The following FGF5 variants were observed in gnomAD, a reference collection of about 807,000 sequenced individuals.
FGF5 encodes the protein fibroblast growth factor 5.
In FGF5, 23 loss-of-function variants were observed where a neutral mutation model predicts 21.8. That is an observed-to-expected ratio of 1.05 (90% CI 0.76 to 1.49). The LOEUF (loss-of-function observed/expected upper bound fraction) is 1.49, where lower values mean the gene tolerates loss of function less well. Among genes scored for constraint, FGF5 ranks in the 40% most tolerant of loss-of-function variants. FGF5 has a pLI of 0.00. For synonymous variants in FGF5, 158 were observed against 124.0 expected (o/e 1.27, Z -1.82); for missense variants, 352 against 332.9 (o/e 1.06, Z -0.45).
At chr4:80,286,189 T>C in intron 2 of FGF5, 136 bp from the exon 3 acceptor site, 1 of 585,272 alleles carries the variant, frequency 1.7e-6, no homozygotes, top group South Asian at 3.5e-5. Flanking sequence ...AGCAAACATG[T>C]CTTTATAAAA....
At chr4:80,277,996 T>G (rs1034409459) in intron 2 of FGF5, among the ~76,000 whole-genome samples, 12 of 152,136 alleles carry the variant, frequency 7.9e-5, no homozygotes, top group African/African-American at 2.7e-4. Flanking sequence ...AAGAGTCTCA[T>G]AGATGTTAAA....
At position 80,267,078 on chromosome 4, in the gene FGF5, G is replaced by A. The variant is rs528985627; in HGVS notation, c.254G>A (p.Gly85Glu). The part of the protein sequence containing the change: ...EQSSFQWSPS[G>E]RRTGSLYCRV... The stretch of plus-strand genomic sequence containing the variant: ...AGCAGTTTCCAGTGGAGCCCCTCGG[G>A]GCGCCGGACCGGCAGCCTCTACTGC... Residue 85 changes from glycine to glutamate, a missense_variant, in exon 1 of 3, where the codon GGG (glycine) becomes GAG (glutamate). Physicochemically the swap from Gly to Glu is moderately conservative, Grantham distance 98. Transcript: ENST00000312465. The A allele has an allele frequency of 1.2e-6, 2 of 1,614,218 alleles. No homozygotes were observed. Among genetic ancestry groups the A allele is most frequent in the African/African-American group, 2.7e-5 (2 of 75,078 alleles).
At position 80,290,497 on chromosome 4, in the gene FGF5, G is replaced by A. The variant is rs2109934632; in HGVS notation, c.*3825G>A. 6.6e-6 allele frequency: 1 copy of A among 152,156 alleles called. No homozygotes were observed. Among genetic ancestry groups the A allele is most frequent in the East Asian group, 1.9e-4 (1 of 5,176 alleles). The allele number at this position is 152,156 out of a possible 1,614,324, so 9.4% of individuals were successfully genotyped here. A position where few individuals can be genotyped will look rare whatever the true frequency, so the allele number is the denominator to read the frequency against. ...AACAAGATGCTGATCCAACCTGAGTGGAGTCAGGTGAGGCATCTTTACATC... is the reference window on the plus strand; with the variant it reads ...AACAAGATGCTGATCCAACCTGAGTAGAGTCAGGTGAGGCATCTTTACATC... On this transcript the variant is annotated 3_prime_UTR_variant, in exon 3 of 3. Transcript: ENST00000312465.
intron 2 of FGF5, among the ~76,000 whole-genome samples, chr4:80,279,649 A>G (rs1720502532): frequency 6.6e-6 from 1 of 152,176 alleles, no homozygotes; most frequent in Non-Finnish European, 1.5e-5. Context: ...GACTTTTTTC[A>G]TAGCTCTGTT....
In FGF5 at chr4:80,286,716, G is replaced by A. The variant is rs1720742116; in HGVS notation, c.*44G>A. 5.4e-6 allele frequency: 8 copies of A among 1,482,880 alleles called. No homozygotes were observed. The highest frequency in any genetic ancestry group is 1.2e-5 in the South Asian group (1 of 85,022). 91.9% of individuals were successfully genotyped at this position (1,482,880 alleles called of 1,614,324 possible). A position where few individuals can be genotyped will look rare whatever the true frequency, so the allele number is the denominator to read the frequency against. On this transcript the variant is annotated 3_prime_UTR_variant, in exon 3 of 3. Transcript: ENST00000312465. The stretch of plus-strand genomic sequence containing the variant: ...GAGAAACCATTCTTTCCCCTCAGGA[G>A]TTTCTATAGGTGTCTTCAGAGTTCT...
intron 1 of FGF5, among the ~76,000 whole-genome samples, chr4:80,273,504 T>C: frequency 6.6e-6 from 1 of 152,218 alleles, no homozygotes; most frequent in Non-Finnish European, 1.5e-5. Context: ...TTCTTGTTTT[T>C]GGTAAACAGA....
At chr4:80,277,097 T>G (rs1560499739) in intron 2 of FGF5, among the ~76,000 whole-genome samples, 1 of 152,174 alleles carries the variant, frequency 6.6e-6, no homozygotes, top group African/African-American at 2.4e-5. Context: ...TTAAGATACA[T>G]GATTCCTCTG....
At chr4:80,272,507 A>G (rs922521731) in intron 1 of FGF5, among the ~76,000 whole-genome samples, 14 of 152,128 alleles carry the variant, frequency 9.2e-5, no homozygotes, top group African/African-American at 3.4e-4. Flanking sequence ...GAAACTATTT[A>G]TTTAAGCAAA....
At chr4:80,267,379 G>A (rs1296966760) in intron 1 of FGF5, among the ~76,000 whole-genome samples, 200 bp downstream of exon 1, 2 of 152,202 alleles carry the variant, frequency 1.3e-5, no homozygotes, top group East Asian at 1.9e-4. Context: ...TCCTGGGCAT[G>A]AGGAATTGCG....
rs1720113417 is a variant in FGF5 at position 80,267,017 on chromosome 4, G to A, written c.193G>A (p.Ala65Thr). The A allele has an allele frequency of 1.2e-6, 2 of 1,614,118 alleles. No homozygotes were observed. The highest frequency in any genetic ancestry group is 2.2e-5 in the East Asian group (1 of 44,894). ...CTCTTCTGCCTCCTCCTCCCCCGCAGCTTCTCTGGGCAGCCAAGGAAGTGG... is the reference window on the plus strand; with the variant it reads ...CTCTTCTGCCTCCTCCTCCCCCGCAACTTCTCTGGGCAGCCAAGGAAGTGG... ...SSSSASSSPA[A>T]SLGSQGSGLE... is the part of the protein sequence containing the mutation. The change falls in exon 1 of 3, where the codon GCT (alanine) becomes ACT (threonine). Residue 65 changes from alanine (A) to threonine (T), a missense_variant. Ala to Thr is a moderately conservative substitution (Grantham distance 58). Coordinates refer to ENST00000312465, the MANE Select transcript of FGF5 (RefSeq NM_004464.4).
intron 2 of FGF5, among the ~76,000 whole-genome samples, chr4:80,284,649 A>C (rs1212503152): frequency 6.6e-6 from 1 of 152,224 alleles, no homozygotes; most frequent in Non-Finnish European, 1.5e-5. Flanking sequence ...CATAAAGTGA[A>C]TGTGCTGTTG....
intron 1 of FGF5, among the ~76,000 whole-genome samples, chr4:80,267,509 TCTCA>T (rs1720130883): frequency 6.6e-6 from 1 of 152,164 alleles, no homozygotes; most frequent in Non-Finnish European, 1.5e-5. Flanking sequence ...ACTCATTTCT[TCTCA>T]CTCAATTTGT....
chr4:80,276,493 A>T (rs1167177055), intron 2 of FGF5, among the ~76,000 whole-genome samples: 2 of 152,112 alleles, frequency 1.3e-5, no homozygotes, highest in African/African-American at 2.4e-5. Context: ...TTACTTTTTT[A>T]AATTTATTTT....
chr4:80,266,966 C>G lies in FGF5; in HGVS notation c.142C>G (p.Gln48Glu), dbSNP rs774523989. ...GAACCCTAGAGGCTCCAGCAGCAGA[C>G]AGAGCAGCAGTAGCGCTATGTCTTC... ...DRNPRGSSSR[Q>E]SSSSAMSSSS... The change falls in exon 1 of 3, where the codon CAG (glutamine) becomes GAG (glutamate). Residue 48 changes from glutamine to glutamate, a missense_variant. Gln to Glu is a conservative substitution (Grantham distance 29). Coordinates refer to ENST00000312465, the MANE Select transcript of FGF5 (RefSeq NM_004464.4). 6.2e-7 allele frequency: 1 copy of G among 1,614,224 alleles called. No homozygotes were observed. The highest frequency in any genetic ancestry group is 2.2e-5 in the East Asian group (1 of 44,870).
At chr4:80,285,574 T>C (rs1720688010) in intron 2 of FGF5, among the ~76,000 whole-genome samples, 1 of 152,200 alleles carries the variant, frequency 6.6e-6, no homozygotes, top group South Asian at 2.1e-4. Context: ...CATAATTCCA[T>C]TTATCAAGCT....
chr4:80,274,170 A>G (rs955493769), intron 1 of FGF5, among the ~76,000 whole-genome samples: 1 of 152,162 alleles, frequency 6.6e-6, no homozygotes, highest in African/African-American at 2.4e-5. Flanking sequence ...TGTAGGAGAC[A>G]GAGGGACATT....
chr4:80,269,788 G>GTT (rs35218300), intron 1 of FGF5, among the ~76,000 whole-genome samples: 28 of 144,828 alleles, frequency 1.9e-4, no homozygotes, highest in Non-Finnish European at 3.8e-4. Context: ...CTTCCATAGA[G>GTT]TTTTTTTTTT....
intron 2 of FGF5, among the ~76,000 whole-genome samples, chr4:80,276,723 A>C (rs2109922985): frequency 6.6e-6 from 1 of 151,786 alleles, no homozygotes; most frequent in Admixed American, 6.6e-5. Flanking sequence ...TATTAGTTAA[A>C]ATCCACATAC....
chr4:80,268,387 C>A (rs1345354934), intron 1 of FGF5: 1 of 627,366 alleles, frequency 1.6e-6, no homozygotes, highest in Non-Finnish European at 2.0e-6. Context: ...CTCACAGTCA[C>A]CTGGTTTCAG....
Sources: allele counts gnomAD v4.1 joint callset (sites outside exome capture counted in the v4.1 genomes callset), GRCh38; gene constraint gnomAD v4.1.1; transcripts MANE v1.5; gene names NCBI Gene and HGNC (gene_info 2026-07-23, HGNC 2026-07-21).